The following UBE3D variants were observed in gnomAD, a reference collection of about 807,000 sequenced individuals.
The protein encoded by UBE3D is E3 ubiquitin-protein ligase E3D.
Under a neutral mutation model 49.6 loss-of-function variants are expected in UBE3D, and 48 were observed. That is an observed-to-expected ratio of 0.97 (90% confidence interval 0.77 to 1.23). The LOEUF (loss-of-function observed/expected upper bound fraction) is 1.23. Among genes scored for constraint, UBE3D ranks in the 50% most tolerant of loss-of-function variants. The pLI, the probability that UBE3D is intolerant of heterozygous loss-of-function variation, is 0.00. For synonymous variants in UBE3D, 189 were observed against 174.2 expected (o/e 1.08, Z -0.67); for missense variants, 452 against 468.4 (o/e 0.96, Z 0.32).
chr6:82,969,347 C>T (rs990088096), intron 8 of UBE3D, among the ~76,000 whole-genome samples: 18 of 152,106 alleles, frequency 1.2e-4, no homozygotes, highest in Non-Finnish European at 2.1e-4. Flanking sequence ...CAGTGGCTCA[C>T]GACTCTAATC....
downstream of UBE3D, among the ~76,000 whole-genome samples, chr6:82,889,150 C>A (rs527670356): frequency 2.6e-5 from 4 of 152,294 alleles, no homozygotes; most frequent in Admixed American, 2.6e-4. Flanking sequence ...AATGGTGATT[C>A]TTCTCTAACT....
intron 8 of UBE3D, among the ~76,000 whole-genome samples, chr6:83,011,623 C>G (rs113943994): frequency 1.3e-5 from 2 of 152,140 alleles, no homozygotes; most frequent in African/African-American, 4.8e-5. Context: ...TCAATCACCC[C>G]GGCCAACACT....
At chr6:83,033,127 G>A (rs1179072057) in intron 5 of UBE3D, among the ~76,000 whole-genome samples, 5 of 152,056 alleles carry the variant, frequency 3.3e-5, no homozygotes, top group African/African-American at 1.2e-4. Context: ...GGCAAAGAAG[G>A]AGCAAGGTGT....
chr6:82,888,689 G>T (rs1770931710), downstream of UBE3D, among the ~76,000 whole-genome samples: 1 of 152,070 alleles, frequency 6.6e-6, no homozygotes, highest in Admixed American at 6.5e-5. Context: ...CCTTGAAAAT[G>T]GGTTTCATAA....
At chr6:82,912,859 T>A (rs187721976) in intron 9 of UBE3D, among the ~76,000 whole-genome samples, 170 of 152,296 alleles carry the variant, frequency 1.1e-3, no homozygotes, top group African/African-American at 3.9e-3. Flanking sequence ...ACCTTTTTTT[T>A]AAATCCTGAG....
chr6:82,936,979 A>C (rs1157254707), intron 9 of UBE3D, among the ~76,000 whole-genome samples: 1 of 152,234 alleles, frequency 6.6e-6, no homozygotes, highest in Non-Finnish European at 1.5e-5. Flanking sequence ...TGCTGGTTTC[A>C]TAACAGTCAT....
At chr6:82,887,389 G>GTTTTTGTTTTGTTTTGTTTTTTT in the UBE3D span, among the ~76,000 whole-genome samples, 29 of 98,324 alleles carry the variant, frequency 2.9e-4, no homozygotes, top group Non-Finnish European at 3.9e-4. Context: ...GACAGTAACA[G>GTTTTTGTTTTGTTTTGTTTTTTT]TTTTTTTTTT....
intron 9 of UBE3D, among the ~76,000 whole-genome samples, chr6:82,902,613 T>A (rs1283757864): frequency 2.0e-5 from 3 of 152,260 alleles, no homozygotes; most frequent in Admixed American, 6.5e-5. Context: ...GGGTTAAGGA[T>A]GTTGGAGAGG....
At chr6:83,030,223 G>A (rs931194974) in intron 5 of UBE3D, among the ~76,000 whole-genome samples, 5 of 151,834 alleles carry the variant, frequency 3.3e-5, no homozygotes, top group Admixed American at 6.6e-5. Flanking sequence ...AAAAAAAGAC[G>A]TTTCTGATAT....
chr6:83,026,830 T>C (rs1306020847), intron 5 of UBE3D, among the ~76,000 whole-genome samples: 4 of 152,068 alleles, frequency 2.6e-5, no homozygotes, highest in Non-Finnish European at 5.9e-5. Context: ...TAGCTAGCAC[T>C]ACAGGCATGC....
At chr6:82,883,237 A>C in the UBE3D span, among the ~76,000 whole-genome samples, 2 of 152,308 alleles carry the variant, frequency 1.3e-5, no homozygotes, top group Non-Finnish European at 2.9e-5. Flanking sequence ...GAATAAGGAA[A>C]ATGTCTCTTA....
intron 5 of UBE3D, among the ~76,000 whole-genome samples, chr6:83,027,994 A>G (rs1781602225): frequency 6.6e-6 from 1 of 151,544 alleles, no homozygotes; most frequent in South Asian, 2.1e-4. Flanking sequence ...CTTGTCATCT[A>G]TCTTTTGCTC....
At chr6:82,936,495 T>C (rs1032660306) in intron 9 of UBE3D, among the ~76,000 whole-genome samples, 3 of 151,514 alleles carry the variant, frequency 2.0e-5, no homozygotes, top group Non-Finnish European at 2.9e-5. Context: ...CACATACAGG[T>C]TTTGTTTTTT....
At chr6:83,059,485 C>G (rs1024897978) in intron 1 of UBE3D, among the ~76,000 whole-genome samples, 1 of 152,198 alleles carries the variant, frequency 6.6e-6, no homozygotes, top group Non-Finnish European at 1.5e-5. Context: ...GTTCTCTGAC[C>G]ACTGCTCTAA....
chr6:83,051,877 C>G (rs1284971205), intron 3 of UBE3D, among the ~76,000 whole-genome samples: 3 of 152,134 alleles, frequency 2.0e-5, no homozygotes, highest in Non-Finnish European at 4.4e-5. Flanking sequence ...ATCTCATCTA[C>G]CTGGGACACT....
intron 8 of UBE3D, among the ~76,000 whole-genome samples, chr6:82,975,507 A>C (rs1777651373): frequency 1.3e-5 from 2 of 152,130 alleles, no homozygotes; most frequent in South Asian, 4.1e-4. Context: ...TGCCTTCTTC[A>C]ATTTTTTCTT....
At chr6:82,898,834 A>G (rs191336915) in intron 9 of UBE3D, among the ~76,000 whole-genome samples, 2 of 152,032 alleles carry the variant, frequency 1.3e-5, no homozygotes, top group Admixed American at 6.6e-5. Flanking sequence ...AATAAAAAAA[A>G]TTTTTTTTAA....
At chr6:82,958,874 T>C (rs1399288939) in intron 8 of UBE3D, among the ~76,000 whole-genome samples, 1 of 152,218 alleles carries the variant, frequency 6.6e-6, no homozygotes. Context: ...CTTTTATACA[T>C]TTTTTGGCAC....
intron 1 of UBE3D, among the ~76,000 whole-genome samples, chr6:83,059,789 G>A (rs1213109352): frequency 2.0e-5 from 3 of 152,078 alleles, no homozygotes; most frequent in Admixed American, 6.5e-5. Context: ...GTGCAAGGGT[G>A]GTGACACAGT....
Sources: gnomAD v4.1 joint callset for allele counts (sites outside exome capture counted in the v4.1 genomes callset) on GRCh38, gnomAD v4.1.1 for gene constraint, MANE v1.5 for transcripts, NCBI Gene and HGNC (gene_info 2026-07-23, HGNC 2026-07-21) for gene names.